The following CHSY3 variants were observed in gnomAD, a reference collection of about 807,000 sequenced individuals.
CHSY3 encodes the protein N-acetylgalactosaminyl-proteoglycan 3-beta-glucuronosyltransferase 3.
In CHSY3, 35 loss-of-function variants were observed where a neutral mutation model predicts 67.2. The ratio of observed to expected loss-of-function variants is 0.52; its 90% CI spans 0.40 to 0.69. The LOEUF (loss-of-function observed/expected upper bound fraction) is 0.69. Among genes scored for constraint, CHSY3 ranks in the 30% least tolerant of loss-of-function variants. CHSY3 has a pLI of 0.00. For missense variants in CHSY3, 1,069 were observed against 1,138.5 expected (o/e 0.94, Z 0.88); for synonymous variants, 474 against 434.7 (o/e 1.09, Z -1.12).
chr5:130,022,537 T>G (rs1039465717), intron 2 of CHSY3, among the ~76,000 whole-genome samples: 2 of 152,002 alleles, frequency 1.3e-5, no homozygotes, highest in Non-Finnish European at 2.9e-5. Flanking sequence ...CCAATTCTAT[T>G]TATTCTGTCA....
At chr5:130,126,190 G>T (rs1456519207) in intron 2 of CHSY3, among the ~76,000 whole-genome samples, 1 of 151,788 alleles carries the variant, frequency 6.6e-6, no homozygotes, top group Non-Finnish European at 1.5e-5. Flanking sequence ...GTCGGTACTT[G>T]ATAAGTATGT....
At chr5:130,125,448 TAGATAGAC>T (rs1326048319) in intron 2 of CHSY3, among the ~76,000 whole-genome samples, 34 of 152,012 alleles carry the variant, frequency 2.2e-4, no homozygotes, top group South Asian at 8.3e-4. Flanking sequence ...GATAGATAGA[TAGATAGAC>T]AGACAGACAG....
intron 2 of CHSY3, among the ~76,000 whole-genome samples, chr5:129,999,870 T>A (rs1763667828): frequency 6.6e-6 from 1 of 152,140 alleles, no homozygotes; most frequent in South Asian, 2.1e-4. Context: ...TGGATACCTT[T>A]GTGACAACAT....
At chr5:130,111,887 C>T (rs1017071115) in intron 2 of CHSY3, among the ~76,000 whole-genome samples, 9 of 151,906 alleles carry the variant, frequency 5.9e-5, no homozygotes, top group Non-Finnish European at 1.0e-4. Context: ...ACACACATAC[C>T]GGACTTACTA....
intron 2 of CHSY3, among the ~76,000 whole-genome samples, chr5:130,087,458 C>A (rs1180420747): frequency 6.6e-6 from 1 of 150,560 alleles, no homozygotes; most frequent in Non-Finnish European, 1.5e-5. Flanking sequence ...GATTGTATAT[C>A]TAGAAAACCC....
chr5:130,124,468 T>C (rs1768192103), intron 2 of CHSY3, among the ~76,000 whole-genome samples: 1 of 151,980 alleles, frequency 6.6e-6, no homozygotes, highest in Admixed American at 6.6e-5. Flanking sequence ...TTTTTTTTTT[T>C]TTTTTGAGAC....
chr5:130,173,339 T>TAA lies in CHSY3; in HGVS notation c.1087-10882_1087-10881dup, dbSNP rs564535338. Among the ~76,000 whole-genome samples, 305 of 151,404 alleles carry TAA rather than the reference T, an allele frequency of 2.0e-3. 1 individual carries two copies. The highest frequency in any genetic ancestry group is 6.8e-3 in the African/African-American group (281 of 41,348). On this transcript the variant is annotated intron_variant, in intron 2 of 2. Transcript: ENST00000305031. ...ATAATTATCAATTCACATACAGTTG[T>TAA]AAAAAAAAATACCCAGAGATTCCAT... is the stretch of plus-strand genomic sequence containing the variant.
chr5:129,908,168 A>G lies in CHSY3; in HGVS notation c.894A>G (p.Gly298=), dbSNP rs770499602. ...QTGLGNIEEL[G]KLGLEPGENF... is the part of the protein sequence containing the mutation. ...GCCTGGGGAATATTGAAGAGCTTGG[A>G]AAGCTGGGACTGGAGCCTGGGGAAA... The change falls in exon 2 of 3, where the codon GGA becomes GGG. Residue 298 remains glycine, a synonymous_variant. Transcript: ENST00000305031. 3.1e-6 allele frequency: 5 copies of G among 1,614,204 alleles called. No homozygotes were observed. The highest frequency in any genetic ancestry group is 4.2e-6 in the Non-Finnish European group (5 of 1,180,038).
intron 2 of CHSY3, chr5:130,141,398 G>C: frequency 2.7e-6 from 1 of 371,530 alleles, no homozygotes; most frequent in Non-Finnish European, 5.4e-6. Context: ...TGTCAAGTTT[G>C]AACTCACAGT....
At chr5:130,152,950 A>T (rs933567386) in intron 2 of CHSY3, among the ~76,000 whole-genome samples, 1 of 152,122 alleles carries the variant, frequency 6.6e-6, no homozygotes, top group Non-Finnish European at 1.5e-5. Flanking sequence ...TGATAGGCTA[A>T]GTGCAGCGGC....
Position 130,032,614 on chromosome 5 carries a change from C to T in CHSY3, c.1086+124254C>T, listed in dbSNP as rs139446168. ...ATCTCACCTTCCCAGGAGTTCTACCCGCCTCACTTCAGGTTAAGAGAGAGG... is the reference window on the plus strand; with the variant it reads ...ATCTCACCTTCCCAGGAGTTCTACCTGCCTCACTTCAGGTTAAGAGAGAGG... On this transcript the variant is annotated intron_variant, in intron 2 of 2. Transcript: ENST00000305031. Among the ~76,000 whole-genome samples the T allele has an allele frequency of 9.5e-4, 145 of 152,150 alleles. 2 individuals carry two copies. The East Asian group carries it at 0.02, about 21-fold the overall frequency.
intron 2 of CHSY3, among the ~76,000 whole-genome samples, chr5:130,088,344 C>T (rs1422618997): frequency 6.8e-6 from 1 of 147,328 alleles, no homozygotes. Flanking sequence ...AAAGCAATGG[C>T]AACAAAAGCC....
At chr5:130,069,361 G>T (rs758623185) in intron 2 of CHSY3, among the ~76,000 whole-genome samples, 6 of 152,018 alleles carry the variant, frequency 3.9e-5, no homozygotes, top group Non-Finnish European at 5.9e-5. Context: ...GATAGAAGAA[G>T]AGTATATGGC....
chr5:130,080,117 T>C (rs1766400936), intron 2 of CHSY3, among the ~76,000 whole-genome samples: 1 of 151,778 alleles, frequency 6.6e-6, no homozygotes, highest in Non-Finnish European at 1.5e-5. Flanking sequence ...CACTTAAATA[T>C]ATACATAAAA....
At chr5:130,140,891 G>A (rs62621430) in intron 2 of CHSY3, 23,159 of 514,250 alleles carry the variant, frequency 0.045, 597 homozygotes, top group Middle Eastern at 0.086. Flanking sequence ...TCTCTTTGCA[G>A]GAATTGACTT....
chr5:130,020,354 A>T (rs1256541284), intron 2 of CHSY3, among the ~76,000 whole-genome samples: 2 of 149,804 alleles, frequency 1.3e-5, no homozygotes, highest in South Asian at 4.2e-4. Flanking sequence ...TGGGGGGCAG[A>T]GGTTGTAGTG....
At chr5:130,124,915 A>G (rs573466472) in intron 2 of CHSY3, among the ~76,000 whole-genome samples, 3 of 152,216 alleles carry the variant, frequency 2.0e-5, no homozygotes, top group Non-Finnish European at 4.4e-5. Flanking sequence ...CTCTCTCCTT[A>G]TTCTTAAGGC....
chr5:130,034,934 G>A (rs1203787988), intron 2 of CHSY3, among the ~76,000 whole-genome samples: 1 of 152,042 alleles, frequency 6.6e-6, no homozygotes, highest in Non-Finnish European at 1.5e-5. Flanking sequence ...AAGGAACAGG[G>A]AGATCAATAT....
In CHSY3 at chr5:130,047,565, T is replaced by G. The variant is rs73785863; in HGVS notation, c.1087-136664T>G. Among the ~76,000 whole-genome samples, 1,110 of 152,222 alleles carry G rather than the reference T, an allele frequency of 7.3e-3. 12 individuals carry two copies. The highest frequency in any genetic ancestry group is 0.025 in the African/African-American group (1,053 of 41,566). ...GAATTTTCCTGGACCAGATTTCTCCTCTATATAATAGGAAAAGTCTATTGG... is the reference window on the plus strand; with the variant it reads ...GAATTTTCCTGGACCAGATTTCTCCGCTATATAATAGGAAAAGTCTATTGG... On this transcript the variant is annotated intron_variant, in intron 2 of 2. Coordinates refer to ENST00000305031, the MANE Select transcript of CHSY3 (RefSeq NM_175856.5).
Sources: gnomAD v4.1 joint callset for allele counts (sites outside exome capture counted in the v4.1 genomes callset) on GRCh38, gnomAD v4.1.1 for gene constraint, MANE v1.5 for transcripts, NCBI Gene and HGNC (gene_info 2026-07-23, HGNC 2026-07-21) for gene names.